The following UBE2F variants were observed in gnomAD, a reference collection of about 807,000 sequenced individuals.
UBE2F encodes the protein ubiquitin conjugating enzyme E2 F (putative).
UBE2F carries 5 observed loss-of-function variants against 29.6 expected under a neutral mutation model. The ratio of observed to expected loss-of-function variants is 0.17; its 90% CI spans 0.09 to 0.36. The LOEUF is 0.36. Ranked by LOEUF, UBE2F falls within the 10% of genes least tolerant of loss-of-function variation. The pLI is 1.00. For missense variants in UBE2F, 141 were observed against 228.5 expected (o/e 0.62, Z 2.47); for synonymous variants, 66 against 81.8 (o/e 0.81, Z 1.04).
At position 237,989,670 on chromosome 2, in the gene UBE2F, A is replaced by G. The variant is rs533828643; in HGVS notation, c.148+1678A>G. Among the ~76,000 whole-genome samples the G allele has an allele frequency of 3.3e-5, 5 of 152,230 alleles. No homozygotes were observed. The South Asian group carries it at 8.3e-4, about 25-fold the overall frequency. ...GCCCAGCCAAAAGATTATTTTCAGC[A>G]TATAGAATTTATGGGTAGGTATCGT... On this transcript the variant is annotated intron_variant, in intron 3 of 9. Coordinates refer to ENST00000272930, the MANE Select transcript of UBE2F (RefSeq NM_080678.3).
chr2:237,992,111 C>T (rs2106349205), intron 3 of UBE2F, among the ~76,000 whole-genome samples: 1 of 152,190 alleles, frequency 6.6e-6, no homozygotes, highest in African/African-American at 2.4e-5. Context: ...GGTGATCCAC[C>T]TGCCTTGGCC....
intron 2 of UBE2F, among the ~76,000 whole-genome samples, chr2:237,975,189 C>T (rs748992979): frequency 6.6e-6 from 1 of 152,032 alleles, no homozygotes; most frequent in Non-Finnish European, 1.5e-5. Flanking sequence ...GCAGCTTCAG[C>T]CTTCTGGGCT....
rs760855553 is a variant in UBE2F, at chr2:237,973,120, G to A, written c.13G>A (p.Ala5Thr). 1.2e-6 allele frequency: 2 copies of A among 1,612,960 alleles called. No homozygotes were observed. The highest frequency in any genetic ancestry group is 2.2e-5 in the South Asian group (2 of 91,064). The part of the protein sequence containing the change: MLTL[A>T]SKLKRDDGLK... ...AAAGGCAGCAGTAATGCTAACGCTAGCAAGTAAACTGAAGCGTGACGATGG... is the reference window on the plus strand; with the variant it reads ...AAAGGCAGCAGTAATGCTAACGCTAACAAGTAAACTGAAGCGTGACGATGG... The change falls in exon 2 of 10, where the codon GCA becomes ACA. Residue 5 changes from alanine (A) to threonine (T), a missense_variant. Ala to Thr is a moderately conservative substitution (Grantham distance 58). Transcript: ENST00000272930.
chr2:238,031,974 T>C (rs1286907488), intron 7 of UBE2F, among the ~76,000 whole-genome samples: 1 of 152,258 alleles, frequency 6.6e-6, no homozygotes, highest in Non-Finnish European at 1.5e-5. Context: ...TTGTCAGGTC[T>C]GACTGGGAGG....
intron 2 of UBE2F, among the ~76,000 whole-genome samples, chr2:237,981,897 A>C (rs2063385715): frequency 6.6e-6 from 1 of 151,932 alleles, no homozygotes; most frequent in Non-Finnish European, 1.5e-5. Flanking sequence ...AAAGTGCTGG[A>C]ATTATAGGCA....
intron 6 of UBE2F, among the ~76,000 whole-genome samples, chr2:238,029,937 T>G (rs1021016201): frequency 7.7e-6 from 1 of 130,018 alleles, no homozygotes; most frequent in African/African-American, 3.6e-5. Context: ...CATTGTCATT[T>G]TCTTTCTTTC....
chr2:238,039,816 T>C (rs2106419732), intron 9 of UBE2F, among the ~76,000 whole-genome samples: 1 of 152,298 alleles, frequency 6.6e-6, no homozygotes, highest in East Asian at 1.9e-4. Context: ...TAAGAGTACA[T>C]GGCATCTTTT....
At chr2:237,986,284 G>T in intron 2 of UBE2F, 1 of 260,598 alleles carries the variant, frequency 3.8e-6, no homozygotes, top group Non-Finnish European at 7.8e-6. Flanking sequence ...TGAGCAGTTG[G>T]GACTACAGGT....
chr2:238,038,888 A>G (rs560338967), intron 9 of UBE2F, among the ~76,000 whole-genome samples: 29 of 152,330 alleles, frequency 1.9e-4, no homozygotes, highest in Admixed American at 3.9e-4. Flanking sequence ...TGTGGGAATG[A>G]CAGTCCTTGT....
rs538912968 is a variant in UBE2F at position 237,969,589 on chromosome 2, G to A, written c.-17+2457G>A. On this transcript the variant is annotated intron_variant, in intron 1 of 9. Coordinates refer to ENST00000272930, the MANE Select transcript of UBE2F (RefSeq NM_080678.3). ...TGCGTCCAGCTGACCCCCAGGTGAT[G>A]GATGGATGCACGTCTTGGTCCATTA... Among the ~76,000 whole-genome samples, 6 of 152,322 alleles carry A rather than the reference G, an allele frequency of 3.9e-5. No homozygotes were observed. In the South Asian group the frequency reaches 1.2e-3, roughly 32 times the overall value.
chr2:237,985,331 C>G (rs528293042), intron 2 of UBE2F, among the ~76,000 whole-genome samples: 1 of 152,250 alleles, frequency 6.6e-6, no homozygotes, highest in Non-Finnish European at 1.5e-5. Context: ...ACTTATTCAT[C>G]CTATATGCCT....
chr2:237,981,966 A>T (rs115783912), intron 2 of UBE2F, among the ~76,000 whole-genome samples: 4,070 of 152,190 alleles, frequency 0.027, 172 homozygotes, highest in African/African-American at 0.094. Context: ...GAAACTCTTG[A>T]TATAATTGGT....
chr2:238,025,165 G>A lies in UBE2F; in HGVS notation c.283-177G>A. ...TTGTGGATGCAGCGCATCAACACAT[G>A]CCTCATGGGTGAGGTGAGCCAGTAT... On this transcript the variant is annotated intron_variant, in intron 5 of 9. Coordinates refer to ENST00000272930, the MANE Select transcript of UBE2F (RefSeq NM_080678.3). 4.9e-6 allele frequency: 3 copies of A among 615,300 alleles called. No individual in the cohort carries two copies. In the East Asian group the frequency reaches 8.6e-5, roughly 18 times the overall value. The allele number at this position is 615,300 out of a possible 1,614,324, so 38.1% of individuals were successfully genotyped here.
intron 2 of UBE2F, among the ~76,000 whole-genome samples, chr2:237,980,061 G>A (rs4663273): frequency 0.86 from 130,865 of 152,336 alleles, 56,369 homozygotes; most frequent in East Asian, 0.97. Context: ...TTTAATGCAT[G>A]AAGGCAGTGG....
At chr2:237,981,573 C>A (rs1185513274) in intron 2 of UBE2F, among the ~76,000 whole-genome samples, 4 of 144,782 alleles carry the variant, frequency 2.8e-5, no homozygotes, top group African/African-American at 1.0e-4. Context: ...TTGCACTGAA[C>A]ATGCAAATGT....
chr2:238,040,505 C>G lies in UBE2F; in HGVS notation c.508-783C>G, dbSNP rs2064815924. On this transcript the variant is annotated intron_variant, in intron 9 of 9. Transcript: ENST00000272930. This position sits in a 1 kb window ranked among gnomAD's most constrained non-coding sequence, Gnocchi z 4.4. ...ATTGATGGGACCGAAGCAGTGTGAT[C>G]CTGCAGGGACATCTGAGACCCAGCA... Among the ~76,000 whole-genome samples, 1 of 152,078 alleles carries G rather than the reference C, an allele frequency of 6.6e-6. No homozygotes were observed. Among genetic ancestry groups the G allele is most frequent in the South Asian group, 2.1e-4 (1 of 4,818 alleles).
Position 238,003,864 on chromosome 2 carries a change from G to T in UBE2F, c.214+9055G>T, listed in dbSNP as rs1050937837. On this transcript the variant is annotated intron_variant, in intron 4 of 9. Transcript: ENST00000272930. The stretch of plus-strand genomic sequence containing the variant: ...CTCACATAACCACCACTGCAATCTT[G>T]AGGAAGTTTCCATCACCTCAAAAAG... Among the ~76,000 whole-genome samples the T allele has an allele frequency of 2.4e-4, 37 of 152,128 alleles. 1 individual carries two copies. The highest frequency in any genetic ancestry group is 4.4e-5 in the Non-Finnish European group (3 of 68,024).
intron 4 of UBE2F, among the ~76,000 whole-genome samples, chr2:237,996,569 G>A (rs952640487): frequency 1.4e-4 from 21 of 151,310 alleles, no homozygotes; most frequent in Middle Eastern, 3.5e-3. Flanking sequence ...TTCGCCTTCC[G>A]GGTTCAAGTG....
At chr2:238,029,290 A>T (rs921407098) in intron 6 of UBE2F, among the ~76,000 whole-genome samples, 14 of 152,220 alleles carry the variant, frequency 9.2e-5, no homozygotes, top group Admixed American at 3.3e-4. Context: ...AAAAAATAAA[A>T]AAAAAAACCC....
Sources: allele counts gnomAD v4.1 joint callset (sites outside exome capture counted in the v4.1 genomes callset), GRCh38; gene constraint gnomAD v4.1.1; non-coding constraint Gnocchi (gnomAD v3.1); transcripts MANE v1.5; gene names NCBI Gene and HGNC (gene_info 2026-07-23, HGNC 2026-07-21).